SND1: variants seen among roughly 807,000 people sequenced by gnomAD.
The protein encoded by SND1 is staphylococcal nuclease domain-containing protein 1.
A neutral mutation model predicts 121.7 loss-of-function variants in SND1; 38 were observed. The ratio of observed to expected loss-of-function variants is 0.31; its 90% confidence interval spans 0.24 to 0.41. The LOEUF (loss-of-function observed/expected upper bound fraction) is 0.41, where lower values mean the gene tolerates loss of function less well. Ranked by LOEUF, SND1 falls within the 10% of genes least tolerant of loss-of-function variation. The probability of loss-of-function intolerance (pLI) is 1.00; values close to 1 mark genes in which losing one functional copy is unlikely to be tolerated. For missense variants in SND1, 868 were observed against 1,184.6 expected, an observed-to-expected ratio of 0.73 and a Z score of 3.92; for synonymous variants, 401 against 447.4, an observed-to-expected ratio of 0.90 and a Z score of 1.31.
intron 11 of SND1, among the ~76,000 whole-genome samples, chr7:127,830,042 T>G (rs1798710547): frequency 6.6e-6 from 1 of 152,218 alleles, no homozygotes. Context: ...AATTTGATCT[T>G]AATTAAATAG....
At chr7:128,013,615 G>A (rs1265883598) in intron 16 of SND1, among the ~76,000 whole-genome samples, 1 of 152,186 alleles carries the variant, frequency 6.6e-6, no homozygotes, top group Non-Finnish European at 1.5e-5. Context: ...GTGAGGCAAT[G>A]GTTTGGGGAT....
At chr7:128,074,863 CT>C (rs1219350898) in intron 17 of SND1, among the ~76,000 whole-genome samples, 173 bp downstream of exon 17, 1 of 152,246 alleles carries the variant, frequency 6.6e-6, no homozygotes, top group Non-Finnish European at 1.5e-5. Context: ...AGGCTGCCAG[CT>C]GAGGTGTCCT....
chr7:127,652,419 G>C lies in SND1; in HGVS notation c.46G>C (p.Val16Leu), dbSNP rs1248837762. Reference protein sequence around the residue: ...QSGGSSGGPAVPTVQRGIIKM... With the variant: ...QSGGSSGGPALPTVQRGIIKM... Reference sequence around the variant, plus strand: ...CGGCGGCTCCTCCGGGGGACCCGCGGTCCCCACCGTGCAGCGGGGCATCAT... The same window carrying C: ...CGGCGGCTCCTCCGGGGGACCCGCGCTCCCCACCGTGCAGCGGGGCATCAT... Residue 16 changes from valine to leucine, a missense_variant, in exon 1 of 24, where the codon GTC becomes CTC. Val to Leu is a conservative substitution (Grantham distance 32). Transcript: ENST00000354725. The C allele has an allele frequency of 6.3e-7, 1 of 1,591,662 alleles. No homozygotes were observed. The highest frequency in any genetic ancestry group is 2.3e-5 in the East Asian group (1 of 43,964).
intron 10 of SND1, among the ~76,000 whole-genome samples, chr7:127,740,399 A>G (rs1796858601): frequency 6.6e-6 from 1 of 152,188 alleles, no homozygotes; most frequent in African/African-American, 2.4e-5. Context: ...GACTAATGAG[A>G]AACAAAGCCA....
At chr7:127,998,369 C>A in intron 16 of SND1, 1 of 174,864 alleles carries the variant, frequency 5.7e-6, no homozygotes, top group South Asian at 1.3e-4. Flanking sequence ...CCCTGTCTCT[C>A]CAGCCAGTAT....
In SND1 at chr7:128,030,192, C is replaced by T. The variant is rs776002749; in HGVS notation, c.1779+39136C>T. The T allele has an allele frequency of 5.6e-6, 9 of 1,614,198 alleles. No individual in the cohort carries two copies. In the South Asian group the frequency reaches 6.6e-5, roughly 12 times the overall value. ...GGGGTTGTTGCGAAGCCAGAGCTCC[C>T]GCAGCTTGGACAGGTATTCAAAGGC... On this transcript the variant is annotated intron_variant, in intron 16 of 23. Transcript: ENST00000354725.
chr7:127,941,912 TA>T (rs71312837), intron 15 of SND1, among the ~76,000 whole-genome samples: 17,599 of 133,794 alleles, frequency 0.13, 1,111 homozygotes, highest in African/African-American at 0.18. Flanking sequence ...TTTTTTTTTT[TA>T]AATTTTCCAA....
intron 12 of SND1, among the ~76,000 whole-genome samples, chr7:127,880,118 T>G (rs1437275584): frequency 6.6e-6 from 1 of 152,196 alleles, no homozygotes; most frequent in East Asian, 1.9e-4. Context: ...ATATCTCACC[T>G]TCCAGCGTAG....
chr7:127,836,123 C>T (rs991202724), intron 11 of SND1, among the ~76,000 whole-genome samples: 5 of 152,058 alleles, frequency 3.3e-5, no homozygotes, highest in African/African-American at 9.7e-5. Context: ...TCTCCATGGA[C>T]GCCATATTCA....
intron 16 of SND1, among the ~76,000 whole-genome samples, chr7:127,994,582 A>C (rs1016156224): frequency 1.5e-5 from 2 of 131,408 alleles, no homozygotes; most frequent in South Asian, 2.5e-4. Flanking sequence ...AAAAAAAAAA[A>C]AAACAGTAAA....
intron 10 of SND1, among the ~76,000 whole-genome samples, chr7:127,731,218 G>A (rs1051390617): frequency 1.3e-5 from 2 of 152,206 alleles, no homozygotes; most frequent in South Asian, 2.1e-4. Context: ...ACTTCATACC[G>A]CAGCTGCTGT....
chr7:127,804,799 G>A (rs1798202722), intron 10 of SND1, among the ~76,000 whole-genome samples: 1 of 152,038 alleles, frequency 6.6e-6, no homozygotes, highest in East Asian at 1.9e-4. Flanking sequence ...CAAATCATAA[G>A]GCTATGTAAG....
At chr7:127,803,408 T>C (rs990454088) in intron 10 of SND1, among the ~76,000 whole-genome samples, 2 of 152,214 alleles carry the variant, frequency 1.3e-5, no homozygotes, top group African/African-American at 4.8e-5. Flanking sequence ...TACAGAACTT[T>C]TAAAATTTTA....
Position 128,081,812 on chromosome 7 carries a change from T to C in SND1, c.2110+311T>C, listed in dbSNP as rs554272020. 10 of 582,030 alleles carry C rather than the reference T, an allele frequency of 1.7e-5. No individual in the cohort carries two copies. The East Asian group carries it at 4.3e-4, about 25-fold the overall frequency. The allele number at this position is 582,030 out of a possible 1,614,324, so 36.1% of individuals were successfully genotyped here. A position where few individuals can be genotyped will look rare whatever the true frequency, so the allele number is the denominator to read the frequency against. On this transcript the variant is annotated intron_variant, in intron 18 of 23. Coordinates refer to ENST00000354725, the MANE Select transcript of SND1 (RefSeq NM_014390.4). Reference sequence around the variant, plus strand: ...GTGGAGCTCTGAGTCTCTTAGGTGATTGTTTGTTCCTACATACCCCTGGCT... The same window carrying C: ...GTGGAGCTCTGAGTCTCTTAGGTGACTGTTTGTTCCTACATACCCCTGGCT...
intron 10 of SND1, among the ~76,000 whole-genome samples, chr7:127,771,609 T>TA (rs753227345): frequency 1.3e-4 from 19 of 151,194 alleles, no homozygotes; most frequent in Admixed American, 8.6e-4. Context: ...TATCATCAAT[T>TA]AAAAAAAAAG....
chr7:127,863,891 G>A (rs1181042274), intron 12 of SND1, among the ~76,000 whole-genome samples: 1 of 152,204 alleles, frequency 6.6e-6, no homozygotes, highest in East Asian at 1.9e-4. Flanking sequence ...AACTGGAGAA[G>A]AGTTTGCCTG....
chr7:127,659,514 G>C (rs1459868244), intron 1 of SND1, among the ~76,000 whole-genome samples: 1 of 152,134 alleles, frequency 6.6e-6, no homozygotes, highest in Non-Finnish European at 1.5e-5. Flanking sequence ...TGTGACTTAA[G>C]GTACCATCTC....
intron 16 of SND1, among the ~76,000 whole-genome samples, chr7:127,991,886 T>C (rs971807267): frequency 6.6e-6 from 1 of 152,186 alleles, no homozygotes; most frequent in South Asian, 2.1e-4. Context: ...AGCTTCAGCC[T>C]CTCAAGCTGA....
chr7:127,900,341 A>G (rs1018001434), intron 13 of SND1, among the ~76,000 whole-genome samples: 1 of 152,208 alleles, frequency 6.6e-6, no homozygotes, highest in South Asian at 2.1e-4. Context: ...TGGCAGTAAG[A>G]TGGAGGCCTG....
Sources: allele counts gnomAD v4.1 joint callset (sites outside exome capture counted in the v4.1 genomes callset), GRCh38; gene constraint gnomAD v4.1.1; transcripts MANE v1.5; gene names NCBI Gene and HGNC (gene_info 2026-07-23, HGNC 2026-07-21).